Variants in POLA1 observed in about 807,000 individuals in gnomAD.
POLA1 encodes DNA polymerase alpha 1, catalytic subunit, also known as DNA polymerase alpha catalytic subunit.
POLA1 carries 15 observed loss-of-function variants against 124.0 expected under a neutral mutation model. The ratio of observed to expected loss-of-function variants is 0.12; its 90% CI spans 0.08 to 0.19. The LOEUF (loss-of-function observed/expected upper bound fraction) is 0.19, where lower values mean the gene tolerates loss of function less well. Ranked by LOEUF, POLA1 falls within the 10% of genes least tolerant of loss-of-function variation. POLA1 has a pLI of 1.00. For missense variants in POLA1, 886 were observed against 1,103.4 expected (o/e 0.80, Z 2.79); for synonymous variants, 408 against 389.4 (o/e 1.05, Z -0.56).
chrX:24,847,286 A>G (rs1163377936), intron 34 of POLA1, among the ~76,000 whole-genome samples: 3 of 111,780 alleles, frequency 2.7e-5, no homozygotes, highest in Non-Finnish European at 5.6e-5. Flanking sequence ...AAAGTATATT[A>G]AACTCTCATT....
At chrX:24,757,436 C>T (rs866415755) in intron 26 of POLA1, among the ~76,000 whole-genome samples, 29 of 62,129 alleles carry the variant, frequency 4.7e-4, no homozygotes, top group African/African-American at 1.9e-3. Flanking sequence ...AAATCTGAAA[C>T]TTTTTTTTTT....
intron 26 of POLA1, among the ~76,000 whole-genome samples, chrX:24,753,144 G>T (rs1246923110): frequency 9.3e-6 from 1 of 107,948 alleles, no homozygotes; most frequent in Non-Finnish European, 1.9e-5. Context: ...CTCCCGAGTA[G>T]CTGGGACTAC....
intron 35 of POLA1, among the ~76,000 whole-genome samples, chrX:24,920,868 G>C (rs375212311): frequency 8.9e-6 from 1 of 112,030 alleles, no homozygotes; most frequent in Non-Finnish European, 1.9e-5. Context: ...CATATATAGC[G>C]TGCATATATG....
At chrX:24,897,190 T>A (rs192629742) in intron 35 of POLA1, among the ~76,000 whole-genome samples, 14 of 112,102 alleles carry the variant, frequency 1.2e-4, no homozygotes. Context: ...GAAGTCATTT[T>A]ACCTTTTGGG....
At chrX:24,983,844 A>G (rs991252398) in intron 36 of POLA1, among the ~76,000 whole-genome samples, 1 of 111,150 alleles carries the variant, frequency 9.0e-6, no homozygotes, top group Admixed American at 9.5e-5. Flanking sequence ...GGGATGGCCT[A>G]TAGCAGTTAG....
intron 36 of POLA1, among the ~76,000 whole-genome samples, chrX:24,991,820 G>T (rs1035639853): frequency 1.8e-5 from 2 of 112,588 alleles, no homozygotes; most frequent in African/African-American, 3.2e-5. Context: ...AATGGAACTG[G>T]ATAGTGGACT....
intron 26 of POLA1, 46 bp from the exon 27 acceptor site, chrX:24,809,852 C>G: frequency 2.5e-6 from 2 of 806,483 alleles, no homozygotes; most frequent in Non-Finnish European, 3.6e-6. Context: ...CTATTTATGT[C>G]TTTATAATTG....
intron 19 of POLA1, 136 bp downstream of exon 19, chrX:24,737,877 A>C (rs901046192): frequency 1.1e-4 from 43 of 383,650 alleles, no homozygotes; most frequent in Non-Finnish European, 1.7e-4. Context: ...CTTTGGCACT[A>C]AACATCTTTT....
At chrX:24,738,234 A>G (rs1288015335) in intron 19 of POLA1, among the ~76,000 whole-genome samples, 1 of 96,543 alleles carries the variant, frequency 1.0e-5, no homozygotes, top group Non-Finnish European at 1.9e-5. Context: ...AAAAAAAAAA[A>G]AAAAAAAAAA....
chrX:24,770,412 T>C (rs996838146), intron 26 of POLA1, among the ~76,000 whole-genome samples: 2 of 112,103 alleles, frequency 1.8e-5, no homozygotes, highest in Non-Finnish European at 3.8e-5. Context: ...AGAATATCTC[T>C]TACTGTGAGA....
At chrX:24,849,628 ATTT>A (rs34478463) in intron 34 of POLA1, among the ~76,000 whole-genome samples, 4 of 79,089 alleles carry the variant, frequency 5.1e-5, no homozygotes, top group Non-Finnish European at 7.1e-5. Flanking sequence ...TGCCCAGCTA[ATTT>A]TTTTTTTTTT....
intron 36 of POLA1, among the ~76,000 whole-genome samples, chrX:24,972,918 G>C (rs2048320542): frequency 8.9e-6 from 1 of 112,662 alleles, no homozygotes; most frequent in South Asian, 3.7e-4. Context: ...AAGGCACCCA[G>C]TTCTTGACTT....
At chrX:24,775,720 A>G (rs1353554442) in intron 26 of POLA1, among the ~76,000 whole-genome samples, 1 of 112,203 alleles carries the variant, frequency 8.9e-6, no homozygotes, top group African/African-American at 3.2e-5. Flanking sequence ...TAGAAACCAT[A>G]AAGAGGAACG....
intron 10 of POLA1, among the ~76,000 whole-genome samples, chrX:24,722,726 T>TC (rs1207929587): frequency 8.6e-5 from 9 of 104,186 alleles, no homozygotes; most frequent in Non-Finnish European, 1.5e-4. Flanking sequence ...TGTTTCTCTT[T>TC]TTTTTTTCTT....
At chrX:24,698,480 A>G (rs1369153133) in intron 1 of POLA1, among the ~76,000 whole-genome samples, 1 of 111,196 alleles carries the variant, frequency 9.0e-6, no homozygotes, top group Non-Finnish European at 1.9e-5. Flanking sequence ...CCAGCCCTCA[A>G]TCTGTTCCTT....
At chrX:24,904,831 C>T (rs986168149) in intron 35 of POLA1, among the ~76,000 whole-genome samples, 2 of 110,984 alleles carry the variant, frequency 1.8e-5, no homozygotes, top group Non-Finnish European at 3.8e-5. Context: ...TCGAGACCAG[C>T]CTGGCCAACA....
intron 19 of POLA1, 31 bp from the exon 20 acceptor site, chrX:24,739,344 A>G (rs1466632679): frequency 5.5e-6 from 6 of 1,099,151 alleles, no homozygotes; most frequent in Admixed American, 5.4e-5. Flanking sequence ...CTGCTCTTTC[A>G]TGAAGTTTGC....
chrX:24,953,462 GTTCT>G (rs1384856951), intron 36 of POLA1, among the ~76,000 whole-genome samples: 1 of 111,723 alleles, frequency 9.0e-6, no homozygotes, highest in Non-Finnish European at 1.9e-5. Flanking sequence ...TGGATAGGAA[GTTCT>G]TTCTAAGAAG....
chrX:24,969,627 C>T (rs1161412597), intron 36 of POLA1, among the ~76,000 whole-genome samples: 12 of 111,027 alleles, frequency 1.1e-4, no homozygotes, highest in East Asian at 8.5e-4. Context: ...GTAGAACATA[C>T]GCAAAATATG....
Sources: allele counts gnomAD v4.1 joint callset (sites outside exome capture counted in the v4.1 genomes callset), GRCh38; gene constraint gnomAD v4.1.1; transcripts MANE v1.5; gene names NCBI Gene and HGNC (gene_info 2026-07-23, HGNC 2026-07-21).